Variants in ABHD13 observed in about 807,000 individuals in gnomAD.
The protein encoded by ABHD13 is protein ABHD13.
A neutral mutation model predicts 25.2 loss-of-function variants in ABHD13; 7 were observed. The observed-to-expected ratio is 0.28, with a 90% CI of 0.16 to 0.52. ABHD13 has a LOEUF of 0.52. Among genes scored for constraint, ABHD13 ranks in the 20% least tolerant of loss-of-function variants. The pLI is 0.96. For synonymous variants in ABHD13, 133 were observed against 136.1 expected, an observed-to-expected ratio of 0.98 and a Z score of 0.16; for missense variants, 302 against 402.7, an observed-to-expected ratio of 0.75 and a Z score of 2.14.
Position 108,232,855 on chromosome 13 carries a change from A to C in ABHD13, c.*2623A>C, listed in dbSNP as rs566433238. On this transcript the variant is annotated 3_prime_UTR_variant, in exon 2 of 2. Coordinates refer to ENST00000375898, the MANE Select transcript of ABHD13 (RefSeq NM_032859.3). The stretch of plus-strand genomic sequence containing the variant: ...AAAAAGAATTCTGCAAAATAAGAGA[A>C]GAAATAATTTGTGACAGGTAATAGA... 1 of 167,084 alleles carries C rather than the reference A, an allele frequency of 6.0e-6. No individual in the cohort carries two copies. Among genetic ancestry groups the C allele is most frequent in the South Asian group, 2.1e-4 (1 of 4,828 alleles). 10.4% of individuals were successfully genotyped at this position (167,084 alleles called of 1,614,324 possible).
In ABHD13 at chr13:108,232,810, A is replaced by AG. The variant is rs1879836560; in HGVS notation, c.*2579dup. On this transcript the variant is annotated 3_prime_UTR_variant, in exon 2 of 2. Coordinates refer to ENST00000375898, the MANE Select transcript of ABHD13 (RefSeq NM_032859.3). ...GATTGGGGGGAAAAACTGGTGAAAA[A>AG]GAAATATAAAAAGGACCCTAAAAAG... The AG allele has an allele frequency of 6.0e-6, 1 of 166,916 alleles. No homozygotes were observed. The highest frequency in any genetic ancestry group is 1.5e-5 in the Non-Finnish European group (1 of 68,034). 10.3% of individuals were successfully genotyped at this position (166,916 alleles called of 1,614,324 possible).
intron 1 of ABHD13, among the ~76,000 whole-genome samples, chr13:108,220,062 T>G (rs528970922): frequency 1.3e-5 from 2 of 152,346 alleles, no homozygotes; most frequent in Non-Finnish European, 2.9e-5. Flanking sequence ...ACATTTTATC[T>G]CAACAGTAGT....
intron 1 of ABHD13, among the ~76,000 whole-genome samples, chr13:108,228,806 C>T (rs547685508): frequency 6.6e-6 from 1 of 151,808 alleles, no homozygotes; most frequent in African/African-American, 2.4e-5. Context: ...TGCCTCCCAG[C>T]TCTTCTACAT....
At position 108,231,420 on chromosome 13, in the gene ABHD13, T is replaced by C. The variant is rs572731634; in HGVS notation, c.*1188T>C. 122 of 166,816 alleles carry C rather than the reference T, an allele frequency of 7.3e-4. No individual in the cohort carries two copies. The highest frequency in any genetic ancestry group is 2.8e-3 in the African/African-American group (116 of 41,540). 10.3% of individuals were successfully genotyped at this position (166,816 alleles called of 1,614,324 possible). On this transcript the variant is annotated 3_prime_UTR_variant, in exon 2 of 2. Transcript: ENST00000375898. ...ATGTAGGAGTGTGGGAATGAAGGAA[T>C]TCTGGAGCTTTTTGACACAAAACCT...
At chr13:108,228,894 G>A (rs35950764) in intron 1 of ABHD13, among the ~76,000 whole-genome samples, 8,383 of 151,336 alleles carry the variant, frequency 0.055, 229 homozygotes, top group East Asian at 0.11. Context: ...TGACACTATC[G>A]CATCAACTTT....
At chr13:108,222,227 A>G (rs746553599) in intron 1 of ABHD13, among the ~76,000 whole-genome samples, 2 of 152,170 alleles carry the variant, frequency 1.3e-5, no homozygotes, top group African/African-American at 2.4e-5. Context: ...TACAATTTTT[A>G]TTGTAAAATG....
At chr13:108,224,615 G>T (rs541667757) in intron 1 of ABHD13, among the ~76,000 whole-genome samples, 1 of 152,158 alleles carries the variant, frequency 6.6e-6, no homozygotes, top group Admixed American at 6.5e-5. Context: ...CATCACTCAT[G>T]CCCTTAGCTG....
chr13:108,225,616 T>C (rs1304098202), intron 1 of ABHD13, among the ~76,000 whole-genome samples: 3 of 152,106 alleles, frequency 2.0e-5, no homozygotes, highest in East Asian at 3.9e-4. Flanking sequence ...AGATAGTAAA[T>C]GGTTAAGGAG....
chr13:108,223,966 A>G lies in ABHD13; in HGVS notation c.-20-5233A>G, dbSNP rs9587534. 1.6e-3 allele frequency among the ~76,000 whole-genome samples: 246 copies of G among 152,338 alleles called. 1 individual carries two copies. Among genetic ancestry groups the G allele is most frequent in the African/African-American group, 5.7e-3 (239 of 41,576 alleles). ...AATAAGTGTCACAGACAGCTGTTTG[A>G]TGGAAAGTAATAGAGATTCTTAATC... On this transcript the variant is annotated intron_variant, in intron 1 of 1. Transcript: ENST00000375898.
chr13:108,225,867 A>G (rs778639768), intron 1 of ABHD13, among the ~76,000 whole-genome samples: 1 of 152,162 alleles, frequency 6.6e-6, no homozygotes, highest in Non-Finnish European at 1.5e-5. Flanking sequence ...TGGCTCTCCT[A>G]CTCAGCAGCC....
intron 1 of ABHD13, among the ~76,000 whole-genome samples, chr13:108,223,620 CA>C (rs1879611852): frequency 6.6e-6 from 1 of 152,212 alleles, no homozygotes; most frequent in Non-Finnish European, 1.5e-5. Context: ...TTGATTCTTA[CA>C]AAGGCACCAG....
chr13:108,223,279 A>G (rs1432548212), intron 1 of ABHD13, among the ~76,000 whole-genome samples: 3 of 152,220 alleles, frequency 2.0e-5, no homozygotes, highest in Admixed American at 2.0e-4. Context: ...TTCATTTTCT[A>G]GTAAATATCT....
chr13:108,219,954 G>A (rs1204051766), intron 1 of ABHD13, among the ~76,000 whole-genome samples: 1 of 152,004 alleles, frequency 6.6e-6, no homozygotes, highest in Non-Finnish European at 1.5e-5. Flanking sequence ...GGACTAATAG[G>A]GCTTCTAGTT....
In ABHD13 at chr13:108,230,396, A is replaced by C; in HGVS notation, c.*164A>C. 1 of 607,184 alleles carries C rather than the reference A, an allele frequency of 1.6e-6. No individual in the cohort carries two copies. The highest frequency in any genetic ancestry group is 2.8e-6 in the Non-Finnish European group (1 of 357,202). The allele number at this position is 607,184 out of a possible 1,614,324, so 37.6% of individuals were successfully genotyped here. On this transcript the variant is annotated 3_prime_UTR_variant, in exon 2 of 2. Coordinates refer to ENST00000375898, the MANE Select transcript of ABHD13 (RefSeq NM_032859.3). ...TATTCCAAATAGTTTTTTACATTGGAAAAACTAATTCTTGGGATTCTTTCA... is the reference window on the plus strand; with the variant it reads ...TATTCCAAATAGTTTTTTACATTGGCAAAACTAATTCTTGGGATTCTTTCA...
intron 1 of ABHD13, among the ~76,000 whole-genome samples, chr13:108,223,753 T>G (rs1333184284): frequency 6.6e-6 from 1 of 152,222 alleles, no homozygotes; most frequent in Non-Finnish European, 1.5e-5. Flanking sequence ...TAGAGGGTCT[T>G]GGGGACCCTC....
At chr13:108,222,965 G>A (rs1035316521) in intron 1 of ABHD13, among the ~76,000 whole-genome samples, 1 of 152,184 alleles carries the variant, frequency 6.6e-6, no homozygotes, top group African/African-American at 2.4e-5. Flanking sequence ...GAGAATTGTG[G>A]GTACTCGTTG....
At position 108,229,377 on chromosome 13, in the gene ABHD13, A is replaced by C. The variant is rs1248154192; in HGVS notation, c.159A>C (p.Ile53=). The change falls in exon 2 of 2, where the codon ATA becomes ATC. Residue 53 remains isoleucine (I), a synonymous_variant. Transcript: ENST00000375898. The surrounding 1 kb of genome is among the most constrained non-coding windows in gnomAD (Gnocchi z 4.7). ...TACTTTTGTTAATATTCATATCAAT[A>C]GCAGGTATTCTGTATAAATTCCAGG... ...IILLLLIFIS[I]AGILYKFQDV... is the part of the protein sequence containing the mutation. The C allele has an allele frequency of 6.2e-7, 1 of 1,612,712 alleles. No individual in the cohort carries two copies. Among genetic ancestry groups the C allele is most frequent in the African/African-American group, 1.3e-5 (1 of 74,828 alleles).
intron 1 of ABHD13, among the ~76,000 whole-genome samples, chr13:108,222,518 A>G (rs764158338): frequency 2.0e-5 from 3 of 152,198 alleles, no homozygotes; most frequent in Non-Finnish European, 2.9e-5. Flanking sequence ...GTTAAATAGT[A>G]TGGAACCGTG....
At chr13:108,219,922 A>G (rs1299166078) in intron 1 of ABHD13, among the ~76,000 whole-genome samples, 1 of 152,158 alleles carries the variant, frequency 6.6e-6, no homozygotes, top group Non-Finnish European at 1.5e-5. Context: ...CCTCTAGGGA[A>G]TCATATCCAT....
Sources: gnomAD v4.1 joint callset for allele counts (sites outside exome capture counted in the v4.1 genomes callset) on GRCh38, gnomAD v4.1.1 for gene constraint, Gnocchi (gnomAD v3.1) non-coding constraint, MANE v1.5 for transcripts, NCBI Gene and HGNC (gene_info 2026-07-23, HGNC 2026-07-21) for gene names.